Variants in RGS20 observed in about 807,000 individuals in gnomAD.
The protein encoded by RGS20 is regulator of G protein signaling 20.
A neutral mutation model predicts 33.6 loss-of-function variants in RGS20; 30 were observed. That is an observed-to-expected ratio of 0.89 (90% CI 0.67 to 1.21). The LOEUF (loss-of-function observed/expected upper bound fraction) is 1.21. Ranked by LOEUF, RGS20 falls within the 50% of genes most tolerant of loss-of-function variation. The probability of loss-of-function intolerance (pLI) is 0.00; values close to 1 mark genes in which losing one functional copy is unlikely to be tolerated. For synonymous variants in RGS20, 208 were observed against 197.9 expected (o/e 1.05, Z -0.43); for missense variants, 472 against 502.4 (o/e 0.94, Z 0.58).
chr8:53,952,319 A>G (rs1370103013), intron 4 of RGS20, among the ~76,000 whole-genome samples: 1 of 134,158 alleles, frequency 7.5e-6, no homozygotes, highest in Admixed American at 8.0e-5. Context: ...ACTGCACTCC[A>G]GCCTGGGCAA....
intron 5 of RGS20, among the ~76,000 whole-genome samples, chr8:53,955,106 G>A (rs1394251343): frequency 6.6e-6 from 1 of 151,356 alleles, no homozygotes; most frequent in Non-Finnish European, 1.5e-5. Context: ...GAATGCGGGT[G>A]CAGCTGTTTT....
At chr8:53,943,628 A>G (rs1452859103) in intron 3 of RGS20, among the ~76,000 whole-genome samples, 8 of 152,208 alleles carry the variant, frequency 5.3e-5, no homozygotes, top group African/African-American at 1.2e-4. Context: ...CTCTTTTTCA[A>G]AACCACATTG....
chr8:53,956,761 T>C (rs1467095879), intron 5 of RGS20, among the ~76,000 whole-genome samples: 1 of 152,232 alleles, frequency 6.6e-6, no homozygotes, highest in Non-Finnish European at 1.5e-5. Context: ...AGCAAGATAA[T>C]TTTTGTCCTT....
Position 53,880,854 on chromosome 8 carries a change from AG to A in RGS20, c.510+1257del. On this transcript the variant is annotated intron_variant, in intron 2 of 5. Coordinates refer to ENST00000297313, the MANE Select transcript of RGS20 (RefSeq NM_170587.4). ...ATTGCCCGGCCGGGTAAAAGGAGTG[AG>A]GGGGCGGGGAGGAGGCAGAGCAAGG... 2.8e-6 allele frequency: 4 copies of A among 1,405,940 alleles called. No homozygotes were observed. Among genetic ancestry groups the A allele is most frequent in the Non-Finnish European group, 3.7e-6 (4 of 1,078,212 alleles). The allele number at this position is 1,405,940 out of a possible 1,614,324, so 87.1% of individuals were successfully genotyped here.
intron 5 of RGS20, 36 bp from the exon 5 acceptor site, chr8:53,958,234 G>A: frequency 6.8e-7 from 1 of 1,465,742 alleles, no homozygotes; most frequent in Admixed American, 2.1e-5. Context: ...TACAACTGAA[G>A]TCTCTAATAC....
Position 53,938,791 on chromosome 8 carries a change from CTT to C in RGS20, c.511-784_511-783del, listed in dbSNP as rs549028149. 2.0e-5 allele frequency among the ~76,000 whole-genome samples: 3 copies of C among 152,284 alleles called. No individual in the cohort carries two copies. The South Asian group carries it at 6.2e-4, about 32-fold the overall frequency. On this transcript the variant is annotated intron_variant, in intron 2 of 5. Coordinates refer to ENST00000297313, the MANE Select transcript of RGS20 (RefSeq NM_170587.4). ...CTTCTCATGCTGCTTTTATATCTCT[CTT>C]CTTTCACATTCTTGGAGTCCCCAAC...
chr8:53,914,344 G>A (rs73589226), intron 2 of RGS20, among the ~76,000 whole-genome samples: 8,198 of 152,058 alleles, frequency 0.054, 669 homozygotes, highest in African/African-American at 0.18. Context: ...TCCAATTTTA[G>A]GTTCTTAACC....
At chr8:53,916,619 A>G (rs891652986) in intron 2 of RGS20, among the ~76,000 whole-genome samples, 3 of 152,042 alleles carry the variant, frequency 2.0e-5, no homozygotes, top group Admixed American at 6.6e-5. Flanking sequence ...CTTATCTGTC[A>G]ATTCCTGATG....
At chr8:53,912,898 G>C (rs1205904110) in intron 2 of RGS20, among the ~76,000 whole-genome samples, 2 of 151,804 alleles carry the variant, frequency 1.3e-5, no homozygotes, top group Non-Finnish European at 2.9e-5. Context: ...AAAGTAGTCA[G>C]TAAGTTTTTT....
intron 2 of RGS20, among the ~76,000 whole-genome samples, chr8:53,937,229 C>T (rs1253793425): frequency 6.6e-6 from 1 of 152,000 alleles, no homozygotes; most frequent in African/African-American, 2.4e-5. Context: ...CAACATGGCA[C>T]ATGTATACAT....
rs1350114772 is a variant in RGS20 at position 53,903,298 on chromosome 8, G to C, written c.510+23696G>C. Among the ~76,000 whole-genome samples the C allele has an allele frequency of 2.6e-5, 4 of 152,134 alleles. No individual in the cohort carries two copies. The South Asian group carries it at 8.3e-4, about 32-fold the overall frequency. On this transcript the variant is annotated intron_variant, in intron 2 of 5. Transcript: ENST00000297313. ...AAAAGCACTGCCCTGTTTTACTGTTGATTAAAAACAAAATTCTGAAAATAG... is the reference window on the plus strand; with the variant it reads ...AAAAGCACTGCCCTGTTTTACTGTTCATTAAAAACAAAATTCTGAAAATAG...
chr8:53,908,578 T>G (rs1225069064), intron 2 of RGS20, among the ~76,000 whole-genome samples: 1 of 151,720 alleles, frequency 6.6e-6, no homozygotes, highest in Non-Finnish European at 1.5e-5. Flanking sequence ...AGGCAGAAGT[T>G]GCAGTGAGCT....
intron 1 of RGS20, among the ~76,000 whole-genome samples, chr8:53,855,174 C>G (rs562472061): frequency 5.9e-5 from 9 of 152,208 alleles, no homozygotes; most frequent in Non-Finnish European, 1.2e-4. Context: ...AGGCGATTCT[C>G]TCACCTCTGC....
intron 2 of RGS20, among the ~76,000 whole-genome samples, chr8:53,881,455 G>A (rs1812381171): frequency 6.6e-6 from 1 of 152,184 alleles, no homozygotes; most frequent in Non-Finnish European, 1.5e-5. Flanking sequence ...ATTTCGGAAA[G>A]ACCAGGCGGG....
chr8:53,880,985 C>G (rs1812353826), intron 2 of RGS20: 2 of 1,591,950 alleles, frequency 1.3e-6, no homozygotes, highest in Non-Finnish European at 1.7e-6. Context: ...GCCCTCCGCG[C>G]TGCAATATTG....
At position 53,954,263 on chromosome 8, in the gene RGS20, G is replaced by C; in HGVS notation, c.931G>C (p.Ala311Pro). The C allele has an allele frequency of 6.2e-7, 1 of 1,613,550 alleles. No individual in the cohort carries two copies. The highest frequency in any genetic ancestry group is 8.5e-7 in the Non-Finnish European group (1 of 1,179,534). ...TAATAAAAACATTATTGAAGAGAAA[G>C]CAAGGATAATCTATGAAGACTACAT... The change falls in exon 5 of 6, where the codon GCA becomes CCA. Residue 311 changes from alanine (A) to proline (P), a missense_variant. Transcript: ENST00000297313.
chr8:53,929,859 A>G (rs1381746499), intron 2 of RGS20, among the ~76,000 whole-genome samples: 1 of 152,204 alleles, frequency 6.6e-6, no homozygotes. Flanking sequence ...ATAGGGCTAG[A>G]GAGTTAAAAT....
chr8:53,882,142 G>T (rs1812403962), intron 2 of RGS20, among the ~76,000 whole-genome samples: 1 of 152,186 alleles, frequency 6.6e-6, no homozygotes, highest in Admixed American at 6.5e-5. Flanking sequence ...AGCTGAGAGT[G>T]GGGTGGGCGT....
intron 1 of RGS20, among the ~76,000 whole-genome samples, chr8:53,857,215 C>T (rs1033644290): frequency 1.3e-4 from 20 of 152,328 alleles, no homozygotes; most frequent in Non-Finnish European, 2.6e-4. Flanking sequence ...TGGAAGTCAG[C>T]CATACTTCTC....
Sources: gnomAD v4.1 joint callset for allele counts (sites outside exome capture counted in the v4.1 genomes callset) on GRCh38, gnomAD v4.1.1 for gene constraint, MANE v1.5 for transcripts, NCBI Gene and HGNC (gene_info 2026-07-23, HGNC 2026-07-21) for gene names.